Variants in PLPPR1 observed in about 807,000 individuals in gnomAD.
The protein encoded by PLPPR1 is phospholipid phosphatase-related protein type 1.
PLPPR1 carries 10 observed loss-of-function variants against 33.1 expected under a neutral mutation model. The ratio of observed to expected loss-of-function variants is 0.30; its 90% CI spans 0.19 to 0.51. The LOEUF is 0.51. Ranked by LOEUF, PLPPR1 falls within the 20% of genes least tolerant of loss-of-function variation. The pLI is 0.97. For synonymous variants in PLPPR1, 151 were observed against 151.0 expected (o/e 1.00, Z 0.00); for missense variants, 304 against 408.1 (o/e 0.74, Z 2.20).
At chr9:101,043,789 G>A (rs1042397313) in intron 1 of PLPPR1, among the ~76,000 whole-genome samples, 7 of 151,762 alleles carry the variant, frequency 4.6e-5, no homozygotes, top group East Asian at 2.0e-4. Context: ...CCTTTTCACC[G>A]CATGCACCCC....
At chr9:101,219,314 C>A (rs1826875539) in intron 2 of PLPPR1, among the ~76,000 whole-genome samples, 8 of 152,136 alleles carry the variant, frequency 5.3e-5, no homozygotes, top group Admixed American at 5.2e-4. Flanking sequence ...TGAATTCACT[C>A]CAGCTACCTG....
rs58070017 is a variant in PLPPR1, at chr9:101,246,055, AATATATATATATATATATATATATATAT to A, written c.64-23797_64-23770del. Among the ~76,000 whole-genome samples, 57 of 85,668 alleles carry A rather than the reference AATATATATATATATATATATATATATAT, an allele frequency of 6.7e-4. 2 individuals are homozygous for A. The highest frequency in any genetic ancestry group is 6.4e-3 in the South Asian group (17 of 2,660). 56.2% of individuals were successfully genotyped at this position (85,668 alleles called of 152,430 possible). A position where few individuals can be genotyped will look rare whatever the true frequency, so the allele number is the denominator to read the frequency against. The stretch of plus-strand genomic sequence containing the variant: ...CATATACCTCTCAAAATTGAATATG[AATATATATATATATATATATATATATAT>A]ATATATATATATATATATATATATA... On this transcript the variant is annotated intron_variant, in intron 2 of 7. Transcript: ENST00000374874.
At chr9:101,280,175 A>T (rs1168281765) in intron 3 of PLPPR1, among the ~76,000 whole-genome samples, 1 of 152,168 alleles carries the variant, frequency 6.6e-6, no homozygotes, top group African/African-American at 2.4e-5. Context: ...ATGTCAATAA[A>T]TTGCAAAACC....
chr9:101,081,182 G>T (rs899544522), intron 1 of PLPPR1, among the ~76,000 whole-genome samples: 1 of 151,950 alleles, frequency 6.6e-6, no homozygotes, highest in Non-Finnish European at 1.5e-5. Flanking sequence ...AATGTGGTTT[G>T]GGGGGTGGGT....
At chr9:101,126,894 T>C (rs984167376) in intron 1 of PLPPR1, among the ~76,000 whole-genome samples, 1 of 152,192 alleles carries the variant, frequency 6.6e-6, no homozygotes, top group African/African-American at 2.4e-5. Flanking sequence ...AGTGCCCACA[T>C]TGACCAAACT....
intron 1 of PLPPR1, among the ~76,000 whole-genome samples, chr9:101,072,849 G>T (rs1830496692): frequency 1.3e-5 from 2 of 152,136 alleles, no homozygotes; most frequent in Admixed American, 6.5e-5. Flanking sequence ...AAGTTTAGAA[G>T]TTCTTGCATC....
intron 1 of PLPPR1, among the ~76,000 whole-genome samples, chr9:101,052,702 T>A (rs1158515265): frequency 6.6e-6 from 1 of 152,200 alleles, no homozygotes; most frequent in Non-Finnish European, 1.5e-5. Context: ...TCTGCTTAGG[T>A]CATATTTTCT....
chr9:101,181,260 G>T (rs1826105878), intron 1 of PLPPR1, among the ~76,000 whole-genome samples: 1 of 148,878 alleles, frequency 6.7e-6, no homozygotes, highest in Non-Finnish European at 1.5e-5. Flanking sequence ...ACCACAATGA[G>T]GTATTACTTC....
chr9:101,162,221 C>A (rs1831786214), intron 1 of PLPPR1, among the ~76,000 whole-genome samples: 1 of 151,986 alleles, frequency 6.6e-6, no homozygotes, highest in Non-Finnish European at 1.5e-5. Flanking sequence ...CCAAAGATTG[C>A]AATTTTCACT....
At chr9:101,150,563 T>G (rs1006970242) in intron 1 of PLPPR1, among the ~76,000 whole-genome samples, 1 of 152,218 alleles carries the variant, frequency 6.6e-6, no homozygotes, top group African/African-American at 2.4e-5. Context: ...GTTATTTATT[T>G]TAATCTTAGG....
intron 2 of PLPPR1, among the ~76,000 whole-genome samples, chr9:101,238,366 G>GGT (rs1013245612): frequency 1.7e-4 from 18 of 105,284 alleles, no homozygotes; most frequent in Middle Eastern, 7.5e-3. Context: ...TATATATATG[G>GGT]GTATATATAT....
At chr9:101,041,041 G>T (rs1245571399) in intron 1 of PLPPR1, among the ~76,000 whole-genome samples, 1 of 152,176 alleles carries the variant, frequency 6.6e-6, no homozygotes, top group Non-Finnish European at 1.5e-5. Flanking sequence ...CAGAATGGGG[G>T]AGATCTGTGA....
intron 6 of PLPPR1, among the ~76,000 whole-genome samples, chr9:101,316,642 T>C (rs1588124359): frequency 1.1e-5 from 1 of 93,274 alleles, no homozygotes; most frequent in African/African-American, 5.6e-5. Context: ...GGGAAGATGG[T>C]AGAAACAGTC....
At position 101,062,705 on chromosome 9, in the gene PLPPR1, T is replaced by C. The variant is rs1475477265; in HGVS notation, c.-46+33603T>C. On this transcript the variant is annotated intron_variant, in intron 1 of 7. Transcript: ENST00000374874. ...CTGAAATTTGTTTTTTGTCTAAATA[T>C]TCTTTCCCAGAAGAGACTCTCAAAT... 2.0e-5 allele frequency among the ~76,000 whole-genome samples: 3 copies of C among 152,090 alleles called. No individual in the cohort carries two copies. In the South Asian group the frequency reaches 6.2e-4, roughly 31 times the overall value.
At position 101,270,001 on chromosome 9, in the gene PLPPR1, C is replaced by G; in HGVS notation, c.185C>G (p.Thr62Arg). 1 of 1,614,196 alleles carries G rather than the reference C, an allele frequency of 6.2e-7. No individual in the cohort carries two copies. The highest frequency in any genetic ancestry group is 8.5e-7 in the Non-Finnish European group (1 of 1,180,022). ...GACTTAATGAAGCCTTACCCAGGGA[C>G]AGAGGAAGAAAGCTTCATCACCCCT... ...DGDLMKPYPG[T>R]EEESFITPLV... Residue 62 changes from threonine to arginine, a missense_variant, in exon 3 of 8, where the codon ACA (threonine) becomes AGA (arginine). Coordinates refer to ENST00000374874, the MANE Select transcript of PLPPR1 (RefSeq NM_207299.2).
intron 3 of PLPPR1, among the ~76,000 whole-genome samples, chr9:101,270,409 A>T (rs908818803): frequency 1.3e-5 from 2 of 152,246 alleles, no homozygotes; most frequent in African/African-American, 4.8e-5. Flanking sequence ...GCAAGTATTC[A>T]CAAGAGATTC....
At chr9:101,171,357 C>T (rs1825938848) in intron 1 of PLPPR1, among the ~76,000 whole-genome samples, 1 of 152,018 alleles carries the variant, frequency 6.6e-6, no homozygotes, top group Admixed American at 6.6e-5. Context: ...ATGTGGGGGC[C>T]CAGGTATCCT....
At position 101,324,330 on chromosome 9, in the gene PLPPR1, T is replaced by G. The variant is rs1306220737; in HGVS notation, c.*273T>G. ...GCATTGAAGAACCACATTTATTCAA[T>G]GGTTGACGTTGTTTTGTGATATTTG... On this transcript the variant is annotated 3_prime_UTR_variant, in exon 8 of 8. Coordinates refer to ENST00000374874, the MANE Select transcript of PLPPR1 (RefSeq NM_207299.2). 1 of 338,932 alleles carries G rather than the reference T, an allele frequency of 3.0e-6. No individual in the cohort carries two copies. The highest frequency in any genetic ancestry group is 2.1e-5 in the African/African-American group (1 of 47,224). The allele number at this position is 338,932 out of a possible 1,614,324, so 21.0% of individuals were successfully genotyped here.
At chr9:101,219,201 G>A (rs1474879353) in intron 2 of PLPPR1, among the ~76,000 whole-genome samples, 1 of 152,186 alleles carries the variant, frequency 6.6e-6, no homozygotes, top group African/African-American at 2.4e-5. Context: ...ACTGTAGGTG[G>A]ATGGGGCTCC....
Sources: allele counts gnomAD v4.1 joint callset (sites outside exome capture counted in the v4.1 genomes callset), GRCh38; gene constraint gnomAD v4.1.1; transcripts MANE v1.5; gene names NCBI Gene and HGNC (gene_info 2026-07-23, HGNC 2026-07-21).